GDF5: variants seen among roughly 807,000 people sequenced by gnomAD.
The protein encoded by GDF5 is growth differentiation factor 5.
A neutral mutation model predicts 34.6 loss-of-function variants in GDF5; 17 were observed. That is an observed-to-expected ratio of 0.49 (90% CI 0.34 to 0.74). GDF5 has a LOEUF of 0.74. Ranked by LOEUF, GDF5 falls within the 30% of genes least tolerant of loss-of-function variation. The pLI is 0.01. For synonymous variants in GDF5, 332 were observed against 290.7 expected, an observed-to-expected ratio of 1.14 and a Z score of -1.44; for missense variants, 616 against 661.2, an observed-to-expected ratio of 0.93 and a Z score of 0.75.
intron 1 of GDF5, among the ~76,000 whole-genome samples, chr20:35,452,449 T>C (rs2062536800): frequency 6.6e-6 from 1 of 152,226 alleles, no homozygotes; most frequent in Non-Finnish European, 1.5e-5. Flanking sequence ...TGAGATGAAC[T>C]TTCGCTCTTG....
chr20:35,448,947 TCAGGAC>T (rs2062522540), intron 1 of GDF5, among the ~76,000 whole-genome samples: 1 of 151,784 alleles, frequency 6.6e-6, no homozygotes, highest in Non-Finnish European at 1.5e-5. Flanking sequence ...TGAGGCGGGG[TCAGGAC>T]CAGGGAGAAA....
At chr20:35,453,252 A>G (rs1179837425) in intron 1 of GDF5, among the ~76,000 whole-genome samples, 1 of 152,306 alleles carries the variant, frequency 6.6e-6, no homozygotes, top group African/African-American at 2.4e-5. Flanking sequence ...CCCGTCTCAA[A>G]AAGAAAAGAA....
At chr20:35,444,921 G>A (rs190406909) in intron 1 of GDF5, among the ~76,000 whole-genome samples, 3 of 151,294 alleles carry the variant, frequency 2.0e-5, no homozygotes, top group East Asian at 3.9e-4. Flanking sequence ...TAGGGATGGG[G>A]TTTCACCATA....
At chr20:35,448,407 A>AT (rs1272332973) in intron 1 of GDF5, among the ~76,000 whole-genome samples, 23 of 142,776 alleles carry the variant, frequency 1.6e-4, no homozygotes, top group Non-Finnish European at 3.2e-4. Context: ...CAAAAAAAAA[A>AT]AAAAAAATAT....
chr20:35,445,770 G>C (rs1279452446), intron 1 of GDF5, among the ~76,000 whole-genome samples: 1 of 151,952 alleles, frequency 6.6e-6, no homozygotes, highest in Admixed American at 6.6e-5. Flanking sequence ...GTGAGTTCGA[G>C]ACCAGCCTGA....
intron 1 of GDF5, among the ~76,000 whole-genome samples, chr20:35,453,733 T>C (rs987965321): frequency 6.6e-6 from 1 of 152,254 alleles, no homozygotes; most frequent in Non-Finnish European, 1.5e-5. Flanking sequence ...AGGAGAAAGA[T>C]AAAATATAGC....
At chr20:35,444,523 G>C (rs1274934671) in intron 1 of GDF5, among the ~76,000 whole-genome samples, 1 of 152,128 alleles carries the variant, frequency 6.6e-6, no homozygotes, top group Non-Finnish European at 1.5e-5. Context: ...CAGGAGGTGA[G>C]GTCAGATCAT....
chr20:35,439,317 T>A (rs1056650424), upstream of GDF5, among the ~76,000 whole-genome samples: 5 of 146,796 alleles, frequency 3.4e-5, no homozygotes, highest in African/African-American at 1.0e-4. Context: ...AATCTCTGCC[T>A]CCCAGGTTCA....
upstream of GDF5, chr20:35,438,357 T>TACACACACACAC: frequency 1.1e-5 from 1 of 89,230 alleles, no homozygotes; most frequent in Non-Finnish European, 2.1e-5. Context: ...GTGAAAATAC[T>TACACACACACAC]TCACACACAC....
chr20:35,443,333 G>A (rs1601078934), intron 1 of GDF5, among the ~76,000 whole-genome samples: 1 of 152,158 alleles, frequency 6.6e-6, no homozygotes, highest in South Asian at 2.1e-4. Context: ...TCTCCTGTCA[G>A]CAATATTAAT....
chr20:35,437,193 G>T, intron 1 of GDF5, 105 bp downstream of exon 1: 1 of 826,426 alleles, frequency 1.2e-6, no homozygotes, highest in African/African-American at 1.7e-5. Flanking sequence ...CGGGCCAGAT[G>T]CACACAGTGT....
Position 35,434,320 on chromosome 20 carries a change from G to A in GDF5, c.1095C>T (p.Asp365=), listed in dbSNP as rs777100364. ...FNEIKARSGQ[D]DKTVYEYLFS... ...ACAGGTACTCATACACGGTCTTATC[G>A]TCCTGGCCAGAGCGGGCCTTAATCT... The change falls in exon 2 of 2, where the codon GAC becomes GAT. Residue 365 remains aspartate, a synonymous_variant. Coordinates refer to ENST00000374369, the MANE Select transcript of GDF5 (RefSeq NM_000557.5). The A allele has an allele frequency of 1.9e-6, 3 of 1,614,014 alleles. No homozygotes were observed. The highest frequency in any genetic ancestry group is 2.2e-5 in the East Asian group (1 of 44,878).
chr20:35,450,260 C>T (rs1311295259), intron 1 of GDF5, among the ~76,000 whole-genome samples: 2 of 150,004 alleles, frequency 1.3e-5, no homozygotes, highest in Admixed American at 6.7e-5. Context: ...GAGCCAAGAT[C>T]GTGCCACTGC....
chr20:35,437,933 T>C lies in GDF5; in HGVS notation c.-5A>G. On this transcript the variant is annotated 5_prime_UTR_variant, in exon 1 of 2. Transcript: ENST00000374369. ...GAGGAGTTTGGGGAGTCTCATCCTC[T>C]GGCCAGCCGCTGAATGACACCAAAG... 6.2e-7 allele frequency: 1 copy of C among 1,613,918 alleles called. No individual in the cohort carries two copies. The highest frequency in any genetic ancestry group is 8.5e-7 in the Non-Finnish European group (1 of 1,179,978).
chr20:35,438,004 C>A lies in GDF5; in HGVS notation c.-76G>T, dbSNP rs1601075346. 6.4e-7 allele frequency: 1 copy of A among 1,561,180 alleles called. No individual in the cohort carries two copies. Among genetic ancestry groups the A allele is most frequent in the Non-Finnish European group, 8.8e-7 (1 of 1,141,250 alleles). ...GGTGCCTCTGGTTTGGCAGGAAAAA[C>A]CATGAAAGGAGTGGACTTTCAAAAG... On this transcript the variant is annotated 5_prime_UTR_variant, in exon 1 of 2. Coordinates refer to ENST00000374369, the MANE Select transcript of GDF5 (RefSeq NM_000557.5).
chr20:35,448,641 G>A (rs1305032121), intron 1 of GDF5, among the ~76,000 whole-genome samples: 4 of 151,726 alleles, frequency 2.6e-5, no homozygotes, highest in Admixed American at 6.6e-5. Context: ...ACAGGGTTTC[G>A]CCATGTTGGC....
intron 1 of GDF5, among the ~76,000 whole-genome samples, chr20:35,446,732 T>C (rs1200866308): frequency 6.6e-5 from 10 of 152,194 alleles, no homozygotes. Context: ...TTCACACAGC[T>C]AAAGACGACC....
At position 35,434,051 on chromosome 20, in the gene GDF5, G is replaced by C. The variant is rs2062456177; in HGVS notation, c.1364C>G (p.Ser455Cys). Residue 455 changes from serine to cysteine, a missense_variant, in exon 2 of 2, where the codon TCC becomes TGC. Physicochemically the swap from Ser to Cys is moderately radical, Grantham distance 112. Coordinates refer to ENST00000374369, the MANE Select transcript of GDF5 (RefSeq NM_000557.5). Reference sequence around the variant, plus strand: ...GGGTGGTGTGGACTCGGGGTCCATGGAGTTCATCAGGGTCTGGATGACTGC... The same window carrying C: ...GGGTGGTGTGGACTCGGGGTCCATGCAGTTCATCAGGGTCTGGATGACTGC... ...NHAVIQTLMN[S>C]MDPESTPPTC... The C allele has an allele frequency of 6.2e-6, 10 of 1,613,250 alleles. No homozygotes were observed. Among genetic ancestry groups the C allele is most frequent in the Non-Finnish European group, 8.5e-6 (10 of 1,179,740 alleles).
rs767358661 is a variant in GDF5 at position 35,433,888 on chromosome 20, G to A, written c.*21C>T. The A allele has an allele frequency of 6.2e-6, 10 of 1,607,614 alleles. No homozygotes were observed. Among genetic ancestry groups the A allele is most frequent in the Non-Finnish European group, 8.5e-6 (10 of 1,174,294 alleles). On this transcript the variant is annotated 3_prime_UTR_variant, in exon 2 of 2. Transcript: ENST00000374369. Reference sequence around the variant, plus strand: ...GGGGCTCTTGGGATGTGCCACCCAGGAAGACAGAGGGCCAGTGCTGCTACC... The same window carrying A: ...GGGGCTCTTGGGATGTGCCACCCAGAAAGACAGAGGGCCAGTGCTGCTACC...
Sources: gnomAD v4.1 joint callset for allele counts (sites outside exome capture counted in the v4.1 genomes callset) on GRCh38, gnomAD v4.1.1 for gene constraint, MANE v1.5 for transcripts, NCBI Gene and HGNC (gene_info 2026-07-23, HGNC 2026-07-21) for gene names.